SLC4A5: variants seen among roughly 807,000 people sequenced by gnomAD.
The protein encoded by SLC4A5 is solute carrier family 4 member 5.
A neutral mutation model predicts 120.4 loss-of-function variants in SLC4A5; 96 were observed. That is an observed-to-expected ratio of 0.80 (90% CI 0.68 to 0.94). The LOEUF is 0.94. Ranked by LOEUF, SLC4A5 falls within the 40% of genes least tolerant of loss-of-function variation. The probability of loss-of-function intolerance (pLI) is 0.00; values close to 1 mark genes in which losing one functional copy is unlikely to be tolerated. For synonymous variants in SLC4A5, 550 were observed against 571.1 expected (o/e 0.96, Z 0.53); for missense variants, 1,259 against 1,459.5 (o/e 0.86, Z 2.24).
chr2:74,230,591 A>C (rs10177833), intron 25 of SLC4A5, among the ~76,000 whole-genome samples: 71,390 of 151,938 alleles, frequency 0.47, 17,053 homozygotes, highest in East Asian at 0.61. Context: ...GCAATGTGGA[A>C]ACACACCCCA....
At chr2:74,244,395 C>T (rs928825682) in intron 19 of SLC4A5, among the ~76,000 whole-genome samples, 6 of 151,064 alleles carry the variant, frequency 4.0e-5, no homozygotes, top group Admixed American at 1.3e-4. Flanking sequence ...CCTTCCCTCA[C>T]TCCCTCCCCC....
exon 22 of SLC4A5, chr2:74,235,172 G>A: frequency 6.2e-7 from 1 of 1,614,126 alleles, no homozygotes; most frequent in Non-Finnish European, 8.5e-7. Flanking sequence ...CAGAACATCA[G>A]GATGGAGAAA....
intron 23 of SLC4A5, 76 bp from the exon 24 acceptor site, chr2:74,232,723 A>G (rs1670133588): frequency 1.9e-6 from 3 of 1,545,338 alleles, no homozygotes; most frequent in Non-Finnish European, 2.6e-6. Flanking sequence ...TCTGTGGAAC[A>G]TGGTTCAAGG....
chr2:74,262,062 C>T, intron 11 of SLC4A5, 75 bp downstream of exon 11: 4 of 1,374,064 alleles, frequency 2.9e-6, no homozygotes, highest in Non-Finnish European at 4.1e-6. Flanking sequence ...TCTCCCCCAC[C>T]TATGGCAATG....
At chr2:74,237,642 G>C (rs1291658802) in intron 21 of SLC4A5, among the ~76,000 whole-genome samples, 1 of 152,160 alleles carries the variant, frequency 6.6e-6, no homozygotes, top group South Asian at 2.1e-4. Context: ...GTAATACTTA[G>C]TTAAGATGGC....
chr2:74,225,483 C>A (rs942433727), intron 27 of SLC4A5, among the ~76,000 whole-genome samples: 1 of 152,196 alleles, frequency 6.6e-6, no homozygotes, highest in Non-Finnish European at 1.5e-5. Flanking sequence ...GTAGTCCCAG[C>A]TGCTCAGGAG....
At position 74,312,271 on chromosome 2, in the gene SLC4A5, GTA is replaced by G. The variant is rs1553459285; in HGVS notation, c.79+2672_79+2673del. Among the ~76,000 whole-genome samples the G allele has an allele frequency of 1.6e-3, 239 of 149,538 alleles. 1 individual carries two copies. The highest frequency in any genetic ancestry group is 4.2e-3 in the African/African-American group (174 of 40,968). On this transcript the variant is annotated intron_variant, in intron 6 of 30. Coordinates refer to ENST00000394019, the Ensembl canonical transcript of SLC4A5. ...TGTGTGTGTGTGTGTGTGTGTGTGT[GTA>G]TATGCATTTTTTTTGAGACAGAGTC...
At chr2:74,321,851 G>T (rs1673107464) in intron 5 of SLC4A5, among the ~76,000 whole-genome samples, 4 of 151,908 alleles carry the variant, frequency 2.6e-5, no homozygotes, top group African/African-American at 4.8e-5. Flanking sequence ...CGGTATTCTG[G>T]TTGCCCTTAG....
At chr2:74,321,791 G>T (rs1263760032) in intron 5 of SLC4A5, among the ~76,000 whole-genome samples, 1 of 151,578 alleles carries the variant, frequency 6.6e-6, no homozygotes, top group Non-Finnish European at 1.5e-5. Flanking sequence ...ATTGCCAGTA[G>T]TCACCTTCCC....
intron 9 of SLC4A5, 94 bp downstream of exon 9, chr2:74,265,010 C>A (rs1044026075): frequency 1.6e-5 from 22 of 1,390,432 alleles, no homozygotes; most frequent in Non-Finnish European, 2.2e-5. Context: ...AGAGACGGGC[C>A]GTCACACAGA....
At chr2:74,299,666 T>C (rs1426183226) in intron 7 of SLC4A5, among the ~76,000 whole-genome samples, 2 of 152,110 alleles carry the variant, frequency 1.3e-5, no homozygotes, top group African/African-American at 2.4e-5. Flanking sequence ...ACCAAAACCA[T>C]AGTGAGATGT....
At chr2:74,333,475 A>T (rs539517871) in intron 4 of SLC4A5, among the ~76,000 whole-genome samples, 1 of 152,364 alleles carries the variant, frequency 6.6e-6, no homozygotes, top group South Asian at 2.1e-4. Context: ...TTGAAAAAAT[A>T]AAAATAAATA....
exon 19 of SLC4A5, chr2:74,247,206 T>C (rs757188418): frequency 2.5e-6 from 4 of 1,614,162 alleles, no homozygotes; most frequent in Non-Finnish European, 3.4e-6. Flanking sequence ...GGTGATATAT[T>C]TGATGATAAA....
chr2:74,310,227 A>T (rs1166533126), intron 6 of SLC4A5, among the ~76,000 whole-genome samples: 3 of 152,154 alleles, frequency 2.0e-5, no homozygotes, highest in African/African-American at 7.2e-5. Flanking sequence ...TTCTGCATAG[A>T]CAGTTATATC....
In SLC4A5 at chr2:74,233,311, A is replaced by T. The variant is rs1573009086; in HGVS notation, c.2595+91T>A. ...CTGTCCTCATATTTTCCTGGCCCAA[A>T]GTACTGAAAGAAGCATCATGTCCTT... On this transcript the variant is annotated intron_variant, in intron 23 of 30. Coordinates refer to ENST00000394019, the Ensembl canonical transcript of SLC4A5. The T allele has an allele frequency of 1.3e-5, 19 of 1,472,428 alleles. No individual in the cohort carries two copies. The South Asian group carries it at 2.1e-4, about 16-fold the overall frequency. 91.2% of individuals were successfully genotyped at this position (1,472,428 alleles called of 1,614,324 possible). A position where few individuals can be genotyped will look rare whatever the true frequency, so the allele number is the denominator to read the frequency against.
chr2:74,339,714 G>A (rs1368613764), intron 2 of SLC4A5: 1 of 152,192 alleles, frequency 6.6e-6, no homozygotes, highest in Non-Finnish European at 1.5e-5. Context: ...CAAGAAAACT[G>A]AAAACCAGGA....
At chr2:74,260,103 C>A (rs1208165150) in intron 11 of SLC4A5, among the ~76,000 whole-genome samples, 5 of 152,198 alleles carry the variant, frequency 3.3e-5, no homozygotes. Flanking sequence ...GGGATTTAGG[C>A]TGGCAGAGGG....
intron 8 of SLC4A5, among the ~76,000 whole-genome samples, chr2:74,272,301 T>G (rs1210938476): frequency 6.6e-6 from 1 of 152,172 alleles, no homozygotes; most frequent in Non-Finnish European, 1.5e-5. Flanking sequence ...ATACTACTTT[T>G]GTATAAATTT....
In SLC4A5 at chr2:74,221,507, A is replaced by G. The variant is rs1182546306; in HGVS notation, c.3332-6T>C. 6.2e-7 allele frequency: 1 copy of G among 1,614,130 alleles called. No homozygotes were observed. ...CCAACTGGAAGATCTTTTTCCTGGC[A>G]GGAAAATGAAAAATGTCAGATGTGG... On this transcript the variant is annotated splice_region_variant and splice_polypyrimidine_tract_variant and intron_variant, in intron 29 of 30. Coordinates refer to ENST00000394019, the Ensembl canonical transcript of SLC4A5.
Sources: allele counts gnomAD v4.1 joint callset (sites outside exome capture counted in the v4.1 genomes callset), GRCh38; gene constraint gnomAD v4.1.1; transcripts MANE v1.5; gene names NCBI Gene and HGNC (gene_info 2026-07-23, HGNC 2026-07-21).